Variants in WRN observed in about 807,000 individuals in gnomAD.
The protein encoded by WRN is WRN RecQ like helicase.
A neutral mutation model predicts 180.7 loss-of-function variants in WRN; 149 were observed. That is an observed-to-expected ratio of 0.82 (90% confidence interval 0.72 to 0.94). The LOEUF is 0.94. Among genes scored for constraint, WRN ranks in the 40% least tolerant of loss-of-function variants. The probability of loss-of-function intolerance (pLI) is 0.00; values close to 1 mark genes in which losing one functional copy is unlikely to be tolerated. For synonymous variants in WRN, 548 were observed against 568.9 expected (o/e 0.96, Z 0.52); for missense variants, 1,661 against 1,700.1 (o/e 0.98, Z 0.40).
At chr8:31,097,854 GCCCCTATTT>G (rs1210056649) in intron 17 of WRN, among the ~76,000 whole-genome samples, 2 of 152,010 alleles carry the variant, frequency 1.3e-5, no homozygotes, top group Non-Finnish European at 2.9e-5. Context: ...TATTGCAAAT[GCCCCTATTT>G]CCCACCTTCA....
intron 18 of WRN, among the ~76,000 whole-genome samples, chr8:31,105,328 CTT>C (rs1270502167): frequency 6.6e-6 from 1 of 152,162 alleles, no homozygotes; most frequent in African/African-American, 2.4e-5. Context: ...CTTACTGTCT[CTT>C]TATTCTCAGC....
chr8:31,043,491 A>T (rs534129741), intron 1 of WRN, among the ~76,000 whole-genome samples: 1 of 152,314 alleles, frequency 6.6e-6, no homozygotes, highest in East Asian at 1.9e-4. Flanking sequence ...GGAGGGCTGA[A>T]TGGAGATTAG....
chr8:31,112,146 C>T (rs936937114), intron 19 of WRN, among the ~76,000 whole-genome samples: 3 of 152,118 alleles, frequency 2.0e-5, no homozygotes, highest in Non-Finnish European at 4.4e-5. Context: ...GTGATCACAA[C>T]TCACTGCAGC....
chr8:31,036,498 C>T (rs1232232524), intron 1 of WRN, among the ~76,000 whole-genome samples: 2 of 152,154 alleles, frequency 1.3e-5, no homozygotes, highest in African/African-American at 2.4e-5. Flanking sequence ...CCCTTTTCTC[C>T]ACATCCTCGC....
chr8:31,144,766 CCAAA>C (rs11574351), intron 28 of WRN, among the ~76,000 whole-genome samples: 2,243 of 152,264 alleles, frequency 0.015, 45 homozygotes, highest in African/African-American at 0.049. Context: ...GCCCCTTGCA[CCAAA>C]CAGTTAGTTT....
At chr8:31,171,400 T>C (rs968800835) in intron 34 of WRN, 1 of 151,842 alleles carries the variant, frequency 6.6e-6, no homozygotes, top group Non-Finnish European at 1.5e-5. Flanking sequence ...AAGAAGACAT[T>C]TATGTAGCCA....
chr8:31,066,335 C>T (rs1199748157), intron 5 of WRN, among the ~76,000 whole-genome samples: 1 of 151,994 alleles, frequency 6.6e-6, no homozygotes, highest in African/African-American at 2.4e-5. Context: ...ACAGGCGTGC[C>T]ACCACACCCA....
At chr8:31,125,809 TA>T (rs1211308962) in intron 23 of WRN, among the ~76,000 whole-genome samples, 1 of 150,732 alleles carries the variant, frequency 6.6e-6, no homozygotes, top group Admixed American at 6.6e-5. Flanking sequence ...TTATTGACAA[TA>T]ATCTCCTTTA....
chr8:31,035,007 G>A (rs1389029779), intron 1 of WRN, among the ~76,000 whole-genome samples: 1 of 152,082 alleles, frequency 6.6e-6, no homozygotes, highest in African/African-American at 2.4e-5. Flanking sequence ...GCCTCTCTGG[G>A]CCTGATAATT....
At chr8:31,088,166 C>T (rs1336314795) in intron 12 of WRN, among the ~76,000 whole-genome samples, 1 of 152,050 alleles carries the variant, frequency 6.6e-6, no homozygotes, top group East Asian at 1.9e-4. Context: ...TTGTATTTCT[C>T]CAAATCATTA....
intron 18 of WRN, among the ~76,000 whole-genome samples, chr8:31,111,354 A>C (rs1801307318): frequency 6.6e-6 from 1 of 152,254 alleles, no homozygotes; most frequent in Non-Finnish European, 1.5e-5. Context: ...TTAATAAGAC[A>C]AAGTAAATGG....
At chr8:31,103,167 G>A (rs1800946384) in intron 18 of WRN, among the ~76,000 whole-genome samples, 1 of 152,288 alleles carries the variant, frequency 6.6e-6, no homozygotes, top group Admixed American at 6.5e-5. Flanking sequence ...GCTGTCATCT[G>A]TGATAACAAT....
intron 17 of WRN, among the ~76,000 whole-genome samples, chr8:31,097,600 C>A (rs1585450520): frequency 1.3e-5 from 2 of 152,182 alleles, no homozygotes; most frequent in South Asian, 2.1e-4. Context: ...TATAGTGAGA[C>A]CTCATCTCTA....
chr8:31,049,843 G>A lies in WRN; in HGVS notation c.-76-8529G>A, dbSNP rs1043213200. ...GTCCTGTCATCATTCCAACTCATGTGTAATTATAGTTTAAAAGAAGTGACA... is the reference window on the plus strand; with the variant it reads ...GTCCTGTCATCATTCCAACTCATGTATAATTATAGTTTAAAAGAAGTGACA... On this transcript the variant is annotated intron_variant, in intron 1 of 34. Coordinates refer to ENST00000298139, the MANE Select transcript of WRN (RefSeq NM_000553.6). 3.3e-5 allele frequency among the ~76,000 whole-genome samples: 5 copies of A among 151,986 alleles called. No homozygotes were observed. The East Asian group carries it at 9.6e-4, about 29-fold the overall frequency.
chr8:31,101,961 A>G lies in WRN; in HGVS notation c.2088+1006A>G, dbSNP rs182325064. On this transcript the variant is annotated intron_variant, in intron 18 of 34. Transcript: ENST00000298139. ...AAAAAAATACCTATATAGAGGTCCT[A>G]TGTACCTTTCATCCAGTTTCCTGAA... Among the ~76,000 whole-genome samples, 10 of 152,136 alleles carry G rather than the reference A, an allele frequency of 6.6e-5. No individual in the cohort carries two copies. The East Asian group carries it at 1.5e-3, about 24-fold the overall frequency.
At chr8:31,102,537 T>C (rs1485698410) in intron 18 of WRN, among the ~76,000 whole-genome samples, 1 of 152,238 alleles carries the variant, frequency 6.6e-6, no homozygotes, top group Admixed American at 6.5e-5. Context: ...CAGATGTTAC[T>C]GTAATGAATA....
chr8:31,112,023 C>G (rs1321655457), intron 19 of WRN, among the ~76,000 whole-genome samples: 4 of 151,936 alleles, frequency 2.6e-5, no homozygotes, highest in Non-Finnish European at 5.9e-5. Context: ...TATTTTAATA[C>G]CCCATTCTGT....
chr8:31,140,565 CAGCTGTTT>C (rs11278906), intron 24 of WRN, among the ~76,000 whole-genome samples: 11,769 of 151,962 alleles, frequency 0.077, 539 homozygotes, highest in African/African-American at 0.12. Flanking sequence ...TCAAAACCAT[CAGCTGTTT>C]AGCATGCACC....
rs766382846 is a variant in WRN, at chr8:31,143,533, T to C, written c.3310-17T>C. 1.8e-5 allele frequency: 28 copies of C among 1,540,466 alleles called. No individual in the cohort carries two copies. Among genetic ancestry groups the C allele is most frequent in the Non-Finnish European group, 2.4e-5 (27 of 1,122,908 alleles). ...TTTGAAACTTTTTTTAATGGACCTTTATATGTTTAAATGCAGTCTAACTTG... is the reference window on the plus strand; with the variant it reads ...TTTGAAACTTTTTTTAATGGACCTTCATATGTTTAAATGCAGTCTAACTTG... On this transcript the variant is annotated splice_polypyrimidine_tract_variant and intron_variant, in intron 27 of 34. Coordinates refer to ENST00000298139, the MANE Select transcript of WRN (RefSeq NM_000553.6).
Sources: gnomAD v4.1 joint callset for allele counts (sites outside exome capture counted in the v4.1 genomes callset) on GRCh38, gnomAD v4.1.1 for gene constraint, MANE v1.5 for transcripts, NCBI Gene and HGNC (gene_info 2026-07-23, HGNC 2026-07-21) for gene names.